VNN2: variants seen among roughly 807,000 people sequenced by gnomAD.
The protein encoded by VNN2 is pantetheine hydrolase VNN2.
VNN2 carries 43 observed loss-of-function variants against 43.0 expected under a neutral mutation model. The observed-to-expected ratio is 1.00, with a 90% CI of 0.78 to 1.29. The LOEUF (loss-of-function observed/expected upper bound fraction) is 1.29, where lower values mean the gene tolerates loss of function less well. Ranked by LOEUF, VNN2 falls within the 50% of genes most tolerant of loss-of-function variation. The probability of loss-of-function intolerance (pLI) is 0.00; values close to 1 mark genes in which losing one functional copy is unlikely to be tolerated. For synonymous variants in VNN2, 230 were observed against 224.3 expected, an observed-to-expected ratio of 1.03 and a Z score of -0.23; for missense variants, 652 against 619.7, an observed-to-expected ratio of 1.05 and a Z score of -0.55.
upstream of VNN2, among the ~76,000 whole-genome samples, chr6:132,760,472 A>G (rs1196249742): frequency 6.6e-6 from 1 of 152,136 alleles, no homozygotes; most frequent in Non-Finnish European, 1.5e-5. Flanking sequence ...CACTGCAGCC[A>G]GTCATTCATG....
upstream of VNN2, among the ~76,000 whole-genome samples, chr6:132,761,900 T>C (rs1780747481): frequency 6.6e-6 from 1 of 152,248 alleles, no homozygotes; most frequent in South Asian, 2.1e-4. Flanking sequence ...ATACCTGCTC[T>C]ATCTCCTAAA....
upstream of VNN2, chr6:132,758,039 C>CTTCTTT (rs1488070973): frequency 1.9e-4 from 32 of 165,020 alleles, no homozygotes; most frequent in East Asian, 1.5e-3. Context: ...TCTTCTTCTT[C>CTTCTTT]TTTTTTTTTT....
At chr6:132,763,147 A>C (rs1780777758) in intron 1 of VNN2, among the ~76,000 whole-genome samples, 1 of 151,924 alleles carries the variant, frequency 6.6e-6, no homozygotes. Context: ...GATCCAAGTC[A>C]CTCGTTGATT....
chr6:132,757,514 T>G lies in VNN2; in HGVS notation c.246A>C (p.Ala82=). 3 of 1,614,020 alleles carry G rather than the reference T, an allele frequency of 1.9e-6. No homozygotes were observed. Among genetic ancestry groups the G allele is most frequent in the Non-Finnish European group, 2.5e-6 (3 of 1,179,954 alleles). Reference sequence around the variant, plus strand: ...CCCTGGTAAATTTCCATCCATAAAGTGCATCTTCTGGAGTCACAATGATTC... The same window carrying G: ...CCCTGGTAAATTTCCATCCATAAAGGGCATCTTCTGGAGTCACAATGATTC... ...GARIIVTPED[A]LYGWKFTRET... is the part of the protein sequence containing the mutation. The change falls in exon 2 of 7, where the codon GCA becomes GCC. Residue 82 remains alanine (A), a synonymous_variant. Coordinates refer to ENST00000326499, the MANE Select transcript of VNN2 (RefSeq NM_004665.6).
intron 3 of VNN2, among the ~76,000 whole-genome samples, chr6:132,755,169 T>TA (rs1780375185): frequency 6.6e-6 from 1 of 152,032 alleles, no homozygotes. Flanking sequence ...ACCCTGTCTC[T>TA]AAAAAAATAT....
rs954871300 is a variant in VNN2, at chr6:132,751,314, T to A, written c.1031A>T (p.Asp344Val). Residue 344 changes from aspartate to valine, a missense_variant, in exon 5 of 7, where the codon GAT (aspartate) becomes GTT (valine). Coordinates refer to ENST00000326499, the MANE Select transcript of VNN2 (RefSeq NM_004665.6). ...AAAAAGTTCTGTGAAGTTGAACCCATCCCTGGAAATAAATCCCCTGAAAGT... is the reference window on the plus strand; with the variant it reads ...AAAAAGTTCTGTGAAGTTGAACCCAACCCTGGAAATAAATCCCCTGAAAGT... ...KNTFRGFISR[D>V]GFNFTELFEN... is the part of the protein sequence containing the mutation. 6 of 1,614,110 alleles carry A rather than the reference T, an allele frequency of 3.7e-6. No individual in the cohort carries two copies. The highest frequency in any genetic ancestry group is 5.1e-6 in the Non-Finnish European group (6 of 1,180,016).
intron 2 of VNN2, 30 bp downstream of exon 2, chr6:132,757,386 T>G: frequency 6.4e-7 from 1 of 1,568,056 alleles, no homozygotes; most frequent in Non-Finnish European, 8.6e-7. Flanking sequence ...AGAGTTACTT[T>G]TGCACAAAAG....
chr6:132,757,241 A>G (rs868529853), intron 2 of VNN2, among the ~76,000 whole-genome samples, 175 bp downstream of exon 2: 10 of 152,256 alleles, frequency 6.6e-5, no homozygotes, highest in Non-Finnish European at 1.3e-4. Flanking sequence ...TTCAATCACA[A>G]AAGATTGTTA....
upstream of VNN2, among the ~76,000 whole-genome samples, chr6:132,762,566 A>G (rs1582845478): frequency 6.6e-6 from 1 of 152,330 alleles, no homozygotes; most frequent in African/African-American, 2.4e-5. Flanking sequence ...CAGGCCCTGT[A>G]AAAGGCAAGG....
intron 6 of VNN2, among the ~76,000 whole-genome samples, chr6:132,744,919 G>GAA (rs143447195): frequency 2.0e-5 from 3 of 149,098 alleles, no homozygotes; most frequent in South Asian, 2.1e-4. Context: ...GGAGGTCTGA[G>GAA]AAAAAAAAAA....
chr6:132,758,047 T>TATTTTTA, upstream of VNN2: 1 of 474,682 alleles, frequency 2.1e-6, no homozygotes, highest in Non-Finnish European at 3.4e-6. Context: ...TTCTTTTTTT[T>TATTTTTA]TTTTTTTTTT....
At position 132,743,929 on chromosome 6, in the gene VNN2, C is replaced by A. The variant is rs1466357257; in HGVS notation, c.*371G>T. ...CAGTCATAAACCTCTAAATTCCCAT[C>A]ATTACTATTCTCTTCAAGGGCACAG... On this transcript the variant is annotated 3_prime_UTR_variant, in exon 7 of 7. Transcript: ENST00000326499. 1 of 157,466 alleles carries A rather than the reference C, an allele frequency of 6.4e-6. No individual in the cohort carries two copies. The highest frequency in any genetic ancestry group is 1.4e-5 in the Non-Finnish European group (1 of 71,886). The allele number at this position is 157,466 out of a possible 1,614,324, so 9.8% of individuals were successfully genotyped here. A position where few individuals can be genotyped will look rare whatever the true frequency, so the allele number is the denominator to read the frequency against.
chr6:132,750,514 T>TATATATATA (rs369805846), intron 5 of VNN2, among the ~76,000 whole-genome samples: 10 of 114,282 alleles, frequency 8.8e-5, no homozygotes, highest in South Asian at 3.2e-4. Context: ...TATATATATA[T>TATATATATA]TTTTCCAGGT....
intron 6 of VNN2, among the ~76,000 whole-genome samples, chr6:132,746,925 A>G (rs1779750985): frequency 6.6e-6 from 1 of 152,160 alleles, no homozygotes; most frequent in Non-Finnish European, 1.5e-5. Context: ...TTACAAAATA[A>G]AGACCTGCCT....
At chr6:132,756,171 T>A in intron 2 of VNN2, 136 bp from the exon 3 acceptor site, 1 of 816,424 alleles carries the variant, frequency 1.2e-6, no homozygotes, top group Non-Finnish European at 1.9e-6. Context: ...TATCATACTT[T>A]AAAAGCCACA....
intron 2 of VNN2, 60 bp from the exon 3 acceptor site, chr6:132,756,095 T>A (rs758162352): frequency 4.8e-5 from 68 of 1,431,192 alleles, no homozygotes; most frequent in Non-Finnish European, 6.0e-5. Context: ...TCACTTTATA[T>A]GGAAACGATA....
intron 1 of VNN2, among the ~76,000 whole-genome samples, chr6:132,763,116 G>A (rs1780776118): frequency 6.6e-6 from 1 of 151,846 alleles, no homozygotes; most frequent in Non-Finnish European, 1.5e-5. Flanking sequence ...TGTCACCACA[G>A]AAATAAATCC....
chr6:132,747,922 C>A (rs1294707700), intron 6 of VNN2, among the ~76,000 whole-genome samples: 1 of 152,182 alleles, frequency 6.6e-6, no homozygotes, highest in East Asian at 1.9e-4. Flanking sequence ...AAAACTCTAG[C>A]ATTTTTTTGT....
upstream of VNN2, chr6:132,757,915 A>T (rs755719136): frequency 1.9e-6 from 3 of 1,588,364 alleles, no homozygotes; most frequent in South Asian, 3.3e-5. Flanking sequence ...GAAAGCAAAA[A>T]TAACATTCAT....
Sources: gnomAD v4.1 joint callset for allele counts (sites outside exome capture counted in the v4.1 genomes callset) on GRCh38, gnomAD v4.1.1 for gene constraint, MANE v1.5 for transcripts, NCBI Gene and HGNC (gene_info 2026-07-23, HGNC 2026-07-21) for gene names.